The following RYR3 variants were observed in gnomAD, a reference collection of about 807,000 sequenced individuals.
RYR3 encodes brain ryanodine receptor-calcium release channel.
In RYR3, 207 loss-of-function variants were observed where a neutral mutation model predicts 584.3. That is an observed-to-expected ratio of 0.35 (90% CI 0.32 to 0.40). The LOEUF (loss-of-function observed/expected upper bound fraction) is 0.40. Ranked by LOEUF, RYR3 falls within the 10% of genes least tolerant of loss-of-function variation. The probability of loss-of-function intolerance (pLI) is 1.00; values close to 1 mark genes in which losing one functional copy is unlikely to be tolerated. For synonymous variants in RYR3, 2,416 were observed against 2,248.5 expected (o/e 1.07, Z -2.11); for missense variants, 5,616 against 6,089.2 (o/e 0.92, Z 2.59).
chr15:33,860,857 A>ATAGGAGGGAGCAGTATCCTCAGCT (rs1197948703), intron 101 of RYR3, among the ~76,000 whole-genome samples, 198 bp downstream of exon 101: 7 of 151,560 alleles, frequency 4.6e-5, no homozygotes, highest in Non-Finnish European at 1.0e-4. Flanking sequence ...CTGTCCCACA[A>ATAGGAGGGAGCAGTATCCTCAGCT]TAGGAGGGAG....
intron 1 of RYR3, among the ~76,000 whole-genome samples, chr15:33,373,777 T>A (rs560779412): frequency 6.6e-6 from 1 of 152,104 alleles, no homozygotes; most frequent in South Asian, 2.1e-4. Context: ...TTCAAATAGC[T>A]CCAAAGTGAT....
At chr15:33,712,592 G>T (rs1331299725) in intron 43 of RYR3, among the ~76,000 whole-genome samples, 2 of 152,156 alleles carry the variant, frequency 1.3e-5, no homozygotes, top group Non-Finnish European at 2.9e-5. Flanking sequence ...AAGTAGATTT[G>T]CAGTCCATTG....
At chr15:33,345,147 C>G (rs969407307) in intron 1 of RYR3, among the ~76,000 whole-genome samples, 4 of 151,758 alleles carry the variant, frequency 2.6e-5, no homozygotes, top group African/African-American at 9.7e-5. Context: ...ATAGAGTTGC[C>G]AAAATCTATA....
At chr15:33,462,470 G>T (rs1471892781) in intron 1 of RYR3, among the ~76,000 whole-genome samples, 1 of 152,148 alleles carries the variant, frequency 6.6e-6, no homozygotes, top group Non-Finnish European at 1.5e-5. Flanking sequence ...AAGTGGATGT[G>T]CTGTGGCCTT....
At chr15:33,634,091 G>A (rs904533505) in intron 24 of RYR3, among the ~76,000 whole-genome samples, 3 of 152,030 alleles carry the variant, frequency 2.0e-5, no homozygotes, top group African/African-American at 4.8e-5. Context: ...TCTCTCTGTC[G>A]CCCAGGCTGG....
intron 36 of RYR3, among the ~76,000 whole-genome samples, chr15:33,665,127 T>A (rs1274482901): frequency 6.6e-6 from 1 of 152,202 alleles, no homozygotes; most frequent in Non-Finnish European, 1.5e-5. Flanking sequence ...GCATATTCCC[T>A]ATTTCACTGG....
chr15:33,779,838 TA>T (rs11284957), intron 64 of RYR3, among the ~76,000 whole-genome samples: 94,133 of 149,444 alleles, frequency 0.63, 30,024 homozygotes, highest in East Asian at 0.96. Flanking sequence ...CCGTCTCTAC[TA>T]AAAAAAAAAA....
intron 97 of RYR3, 145 bp from the exon 98 acceptor site, chr15:33,854,621 T>G: frequency 8.7e-7 from 1 of 1,147,616 alleles, no homozygotes; most frequent in Non-Finnish European, 1.3e-6. Flanking sequence ...TGGGGCTCAC[T>G]TAGCAGATCT....
intron 12 of RYR3, among the ~76,000 whole-genome samples, chr15:33,570,100 C>T (rs1054627553): frequency 2.6e-5 from 4 of 152,004 alleles, no homozygotes; most frequent in Admixed American, 1.3e-4. Flanking sequence ...TTCAGTTTAA[C>T]ATATTTATGG....
At position 33,837,716 on chromosome 15, in the gene RYR3, C is replaced by T; in HGVS notation, c.11736C>T (p.Phe3912=). ...SSTNVEMILK[F]FDMFLKLKDL... ...CCAATGTAGAAATGATCTTGAAATT[C>T]TTTGACATGTTCTTGAAACTTAAAG... The change falls in exon 89 of 104, where the codon TTC becomes TTT. Residue 3912 remains phenylalanine, a synonymous_variant. Transcript: ENST00000634891. 6.2e-7 allele frequency: 1 copy of T among 1,611,942 alleles called. No individual in the cohort carries two copies.
intron 59 of RYR3, among the ~76,000 whole-genome samples, chr15:33,757,228 A>G (rs557139390): frequency 2.0e-5 from 3 of 152,222 alleles, no homozygotes; most frequent in Admixed American, 6.5e-5. Context: ...CTCCTCTGCA[A>G]ATGCGCACAC....
At chr15:33,662,040 C>A in intron 34 of RYR3, 113 bp from the exon 35 acceptor site, 2 of 792,572 alleles carry the variant, frequency 2.5e-6, no homozygotes, top group Non-Finnish European at 4.0e-6. Flanking sequence ...GAAACTGTGG[C>A]AGAGACCCCT....
chr15:33,733,263 G>C (rs1017948781), intron 48 of RYR3, among the ~76,000 whole-genome samples: 3 of 152,190 alleles, frequency 2.0e-5, no homozygotes, highest in African/African-American at 7.2e-5. Context: ...ACCCAAATGA[G>C]TTGGAAACTT....
intron 86 of RYR3, among the ~76,000 whole-genome samples, chr15:33,834,305 CACACACACACACACACACAGTG>C (rs1596895657): frequency 1.4e-5 from 2 of 144,044 alleles, no homozygotes; most frequent in African/African-American, 2.5e-5. Context: ...CACACACACA[CACACACACACACACACACAGTG>C]AGATTAACAT....
chr15:33,666,045 T>C (rs937805846), intron 36 of RYR3, among the ~76,000 whole-genome samples: 4 of 152,170 alleles, frequency 2.6e-5, no homozygotes, highest in African/African-American at 9.7e-5. Context: ...CACTCTGTCA[T>C]GCAGGCTGGG....
chr15:33,615,637 A>G (rs1449151929), intron 19 of RYR3, among the ~76,000 whole-genome samples: 2 of 152,232 alleles, frequency 1.3e-5, no homozygotes, highest in African/African-American at 2.4e-5. Flanking sequence ...TATTCAAGCC[A>G]GGGAATCTTA....
At chr15:33,662,076 G>T in intron 34 of RYR3, 77 bp from the exon 35 acceptor site, 1 of 1,287,858 alleles carries the variant, frequency 7.8e-7, no homozygotes, top group Non-Finnish European at 1.1e-6. Context: ...CCCTGCCTTT[G>T]TTGGGCTGGA....
chr15:33,687,843 G>T (rs1458725422), intron 38 of RYR3, among the ~76,000 whole-genome samples: 4 of 152,188 alleles, frequency 2.6e-5, no homozygotes, highest in Admixed American at 2.0e-4. Flanking sequence ...ATGGTGCTGG[G>T]AAAACTGGCT....
At chr15:33,756,649 GGC>G (rs2071866818) in intron 59 of RYR3, among the ~76,000 whole-genome samples, 1 of 152,150 alleles carries the variant, frequency 6.6e-6, no homozygotes, top group Non-Finnish European at 1.5e-5. Flanking sequence ...GGTTCAGACA[GGC>G]TCACCTGCAC....
Sources: allele counts gnomAD v4.1 joint callset (sites outside exome capture counted in the v4.1 genomes callset), GRCh38; gene constraint gnomAD v4.1.1; transcripts MANE v1.5; gene names NCBI Gene and HGNC (gene_info 2026-07-23, HGNC 2026-07-21).